Variants in DCUN1D4 observed in about 807,000 individuals in gnomAD.
DCUN1D4 encodes DCN1-like protein 4.
DCUN1D4 carries 22 observed loss-of-function variants against 47.9 expected under a neutral mutation model. That is an observed-to-expected ratio of 0.46 (90% CI 0.33 to 0.66). The LOEUF (loss-of-function observed/expected upper bound fraction) is 0.66. Among genes scored for constraint, DCUN1D4 ranks in the 30% least tolerant of loss-of-function variants. DCUN1D4 has a pLI of 0.02. For synonymous variants in DCUN1D4, 121 were observed against 112.2 expected (o/e 1.08, Z -0.50); for missense variants, 301 against 340.8 (o/e 0.88, Z 0.92).
At chr4:51,853,656 C>T (rs1242194944) in intron 1 of DCUN1D4, among the ~76,000 whole-genome samples, 2 of 152,184 alleles carry the variant, frequency 1.3e-5, no homozygotes, top group African/African-American at 4.8e-5. Flanking sequence ...ACACGTGGTG[C>T]CCCACACCCA....
At chr4:51,852,019 T>C (rs1462985829) in intron 1 of DCUN1D4, among the ~76,000 whole-genome samples, 3 of 151,696 alleles carry the variant, frequency 2.0e-5, no homozygotes, top group African/African-American at 7.3e-5. Context: ...ATTGGAATTC[T>C]TTTTTTTTCT....
intron 4 of DCUN1D4, 48 bp downstream of exon 4, chr4:51,874,433 G>T: frequency 7.0e-7 from 1 of 1,421,588 alleles, no homozygotes; most frequent in Non-Finnish European, 9.8e-7. Context: ...ATATGTCGAA[G>T]ATGCACATTT....
rs552304314 is a variant in DCUN1D4 at position 51,855,633 on chromosome 4, C to G, written c.26-7804C>G. On this transcript the variant is annotated intron_variant, in intron 1 of 10. Transcript: ENST00000334635. The stretch of plus-strand genomic sequence containing the variant: ...ACTTGAATATTCACGAATTGTGTGG[C>G]TAGAATGGAGTAGGCAAGGATAATG... Among the ~76,000 whole-genome samples, 12 of 152,246 alleles carry G rather than the reference C, an allele frequency of 7.9e-5. No individual in the cohort carries two copies. The South Asian group carries it at 2.1e-3, about 26-fold the overall frequency.
chr4:51,889,396 T>G (rs1209917637), intron 6 of DCUN1D4, among the ~76,000 whole-genome samples: 1 of 152,246 alleles, frequency 6.6e-6, no homozygotes, highest in Non-Finnish European at 1.5e-5. Context: ...GCTTATGAAA[T>G]TAAGCAGGCT....
the DCUN1D4 span, among the ~76,000 whole-genome samples, chr4:51,837,959 C>G: frequency 2.0e-5 from 3 of 152,138 alleles, no homozygotes; most frequent in African/African-American, 4.8e-5. Flanking sequence ...GGGCAGATCA[C>G]TTGAAGTCAG....
chr4:51,899,594 C>T (rs1731789211), intron 8 of DCUN1D4, among the ~76,000 whole-genome samples: 2 of 152,136 alleles, frequency 1.3e-5, no homozygotes, highest in African/African-American at 2.4e-5. Context: ...TAGTGGCAGA[C>T]GTTTACTGGC....
intron 3 of DCUN1D4, among the ~76,000 whole-genome samples, chr4:51,864,793 G>A (rs1725641431): frequency 6.6e-6 from 1 of 152,116 alleles, no homozygotes; most frequent in African/African-American, 2.4e-5. Flanking sequence ...AATTTTGGAG[G>A]GGCACAAACT....
chr4:51,904,051 T>C (rs1019145743), intron 8 of DCUN1D4, among the ~76,000 whole-genome samples: 10 of 152,168 alleles, frequency 6.6e-5, no homozygotes, highest in Non-Finnish European at 1.5e-4. Context: ...TTTTTTTTAA[T>C]TGGAGCTGGA....
At chr4:51,895,794 T>G (rs1325481486) in intron 7 of DCUN1D4, among the ~76,000 whole-genome samples, 1 of 152,180 alleles carries the variant, frequency 6.6e-6, no homozygotes, top group Non-Finnish European at 1.5e-5. Context: ...GTGCATTTTT[T>G]TGTGTTGGGA....
chr4:51,850,814 C>T (rs756011793), intron 1 of DCUN1D4, among the ~76,000 whole-genome samples: 5 of 152,018 alleles, frequency 3.3e-5, no homozygotes, highest in Non-Finnish European at 5.9e-5. Context: ...GGAAAGGCTT[C>T]ACTAAGGAGG....
chr4:51,868,027 C>CA (rs1258619740), intron 3 of DCUN1D4, among the ~76,000 whole-genome samples: 1 of 152,260 alleles, frequency 6.6e-6, no homozygotes, highest in Non-Finnish European at 1.5e-5. Flanking sequence ...GCTGGTGTGT[C>CA]AGCATTGCCC....
At chr4:51,845,567 C>T (rs1305813567) in intron 1 of DCUN1D4, among the ~76,000 whole-genome samples, 2 of 152,206 alleles carry the variant, frequency 1.3e-5, no homozygotes, top group Non-Finnish European at 2.9e-5. Flanking sequence ...CTAAACGTCA[C>T]ATCCTTCACC....
Position 51,913,665 on chromosome 4 carries a change from G to A in DCUN1D4, c.*81G>A. 1 of 1,262,308 alleles carries A rather than the reference G, an allele frequency of 7.9e-7. No individual in the cohort carries two copies. Among genetic ancestry groups the A allele is most frequent in the Non-Finnish European group, 1.2e-6 (1 of 869,328 alleles). The allele number at this position is 1,262,308 out of a possible 1,614,324, so 78.2% of individuals were successfully genotyped here. Reference sequence around the variant, plus strand: ...GCCATAAATTGCTGTTTGTATCAAAGCGCATGCTGCTTCTCTTGCACTGTT... The same window carrying A: ...GCCATAAATTGCTGTTTGTATCAAAACGCATGCTGCTTCTCTTGCACTGTT... On this transcript the variant is annotated 3_prime_UTR_variant, in exon 11 of 11. Coordinates refer to ENST00000334635, the MANE Select transcript of DCUN1D4 (RefSeq NM_001040402.3).
upstream of DCUN1D4, among the ~76,000 whole-genome samples, chr4:51,838,244 G>C (rs1721545362): frequency 6.6e-6 from 1 of 152,140 alleles, no homozygotes; most frequent in South Asian, 2.1e-4. Context: ...TGGGGATAAG[G>C]TCAAAAGGGT....
chr4:51,905,087 C>A (rs765976144), intron 8 of DCUN1D4: 2 of 392,030 alleles, frequency 5.1e-6, no homozygotes, highest in Admixed American at 5.1e-5. Flanking sequence ...CTGATCATTT[C>A]TTTCTTCCCC....
chr4:51,852,933 A>G (rs2109832821), intron 1 of DCUN1D4, among the ~76,000 whole-genome samples: 1 of 152,332 alleles, frequency 6.6e-6, no homozygotes, highest in Middle Eastern at 3.4e-3. Flanking sequence ...CTCATTTAAC[A>G]TTAGTGAGAT....
chr4:51,894,912 G>A (rs1232441921), intron 7 of DCUN1D4, among the ~76,000 whole-genome samples: 1 of 152,056 alleles, frequency 6.6e-6, no homozygotes, highest in Non-Finnish European at 1.5e-5. Context: ...TTCTCTGGAG[G>A]CCCAGAAGTT....
At chr4:51,908,301 T>C (rs1169754007) in intron 8 of DCUN1D4, among the ~76,000 whole-genome samples, 1 of 152,178 alleles carries the variant, frequency 6.6e-6, no homozygotes, top group Non-Finnish European at 1.5e-5. Context: ...AAATTAAAGT[T>C]TATGAAATAC....
chr4:51,841,204 C>T (rs1387682434), upstream of DCUN1D4, among the ~76,000 whole-genome samples: 1 of 151,936 alleles, frequency 6.6e-6, no homozygotes. Flanking sequence ...TGCAAAATAA[C>T]ATGTGTCTCA....
Sources: gnomAD v4.1 joint callset for allele counts (sites outside exome capture counted in the v4.1 genomes callset) on GRCh38, gnomAD v4.1.1 for gene constraint, MANE v1.5 for transcripts, NCBI Gene and HGNC (gene_info 2026-07-23, HGNC 2026-07-21) for gene names.